The following TYW1B variants were observed in gnomAD, a reference collection of about 807,000 sequenced individuals.
TYW1B encodes the protein S-adenosyl-L-methionine-dependent tRNA 4-demethylwyosine synthase TYW1B.
In TYW1B, 73 loss-of-function variants were observed where a neutral mutation model predicts 86.9. The observed-to-expected ratio is 0.84, with a 90% CI of 0.70 to 1.02. TYW1B has a LOEUF of 1.02. TYW1B is among the 50% of genes least tolerant of loss of function. The probability of loss-of-function intolerance (pLI) is 0.00; values close to 1 mark genes in which losing one functional copy is unlikely to be tolerated. For synonymous variants in TYW1B, 248 were observed against 292.8 expected (o/e 0.85, Z 1.56); for missense variants, 637 against 827.4 (o/e 0.77, Z 2.82).
intron 13 of TYW1B, among the ~76,000 whole-genome samples, chr7:72,580,825 T>C (rs1811135352): frequency 6.7e-6 from 1 of 148,802 alleles, no homozygotes. Flanking sequence ...AACATAAAAA[T>C]AAAGCTACCA....
At chr7:72,815,956 G>T (rs782169345) in intron 2 of TYW1B, among the ~76,000 whole-genome samples, 1 of 152,070 alleles carries the variant, frequency 6.6e-6, no homozygotes, top group Non-Finnish European at 1.5e-5. Context: ...CTGAGCCCAG[G>T]GGTTAGAGGA....
intron 7 of TYW1B, among the ~76,000 whole-genome samples, chr7:72,766,382 G>A (rs1189903878): frequency 6.6e-6 from 1 of 152,072 alleles, no homozygotes; most frequent in East Asian, 1.9e-4. Context: ...GGGAGGCCAA[G>A]GCGGGTGGAT....
At chr7:72,806,109 G>A (rs11974621) in intron 5 of TYW1B, among the ~76,000 whole-genome samples, 14,092 of 152,016 alleles carry the variant, frequency 0.093, 739 homozygotes, top group African/African-American at 0.1. Context: ...ATAATGAGAC[G>A]TGAGCTCAGG....
intron 9 of TYW1B, among the ~76,000 whole-genome samples, chr7:72,721,630 ACACACACG>A (rs1250449531): frequency 1.3e-5 from 2 of 151,996 alleles, no homozygotes; most frequent in Non-Finnish European, 2.9e-5. Context: ...ACATGCACAC[ACACACACG>A]CACACACACA....
chr7:72,583,430 C>T (rs879997139), intron 13 of TYW1B, among the ~76,000 whole-genome samples: 20 of 152,002 alleles, frequency 1.3e-4, no homozygotes, highest in Admixed American at 3.3e-4. Context: ...TTTAGAGATA[C>T]GGAGATAAAT....
intron 11 of TYW1B, among the ~76,000 whole-genome samples, chr7:72,633,997 C>T (rs1189848206): frequency 6.6e-6 from 1 of 152,160 alleles, no homozygotes; most frequent in Non-Finnish European, 1.5e-5. Context: ...GTTGATGTAA[C>T]TGGAGCTCCA....
chr7:72,735,423 T>C (rs1254786626), intron 8 of TYW1B, among the ~76,000 whole-genome samples: 1 of 151,216 alleles, frequency 6.6e-6, no homozygotes, highest in Admixed American at 6.6e-5. Context: ...TATAAAAAAT[T>C]AAGCCAGGCG....
intron 7 of TYW1B, among the ~76,000 whole-genome samples, chr7:72,774,062 C>CAA (rs35480783): frequency 5.5e-5 from 3 of 54,764 alleles, no homozygotes; most frequent in Admixed American, 1.9e-4. Flanking sequence ...AACTCCATCT[C>CAA]AAAAAAAAAA....
At chr7:72,745,851 GGTGTGTGT>G (rs1162824267) in intron 7 of TYW1B, among the ~76,000 whole-genome samples, 795 of 75,134 alleles carry the variant, frequency 0.011, 6 homozygotes, top group African/African-American at 0.02. Context: ...CGTGTATAGG[GGTGTGTGT>G]GTGTGTGTGT....
chr7:72,779,712 CAAAAAA>C (rs58301724), intron 6 of TYW1B, among the ~76,000 whole-genome samples: 12 of 64,280 alleles, frequency 1.9e-4, no homozygotes, highest in Non-Finnish European at 8.8e-5. Flanking sequence ...GACTCTGCCT[CAAAAAA>C]AAAAAAAAAA....
chr7:72,697,306 G>C (rs1266490224), intron 10 of TYW1B, among the ~76,000 whole-genome samples: 1 of 152,042 alleles, frequency 6.6e-6, no homozygotes, highest in Admixed American at 6.6e-5. Flanking sequence ...AGATGTCTGA[G>C]ATGCTACACC....
chr7:72,778,513 G>A (rs1422742268), intron 6 of TYW1B, among the ~76,000 whole-genome samples: 1 of 152,230 alleles, frequency 6.6e-6, no homozygotes, highest in East Asian at 1.9e-4. Flanking sequence ...GCAGTGGCAC[G>A]ATCTTGGCTC....
At chr7:72,601,750 T>TG (rs782187553) in intron 13 of TYW1B, among the ~76,000 whole-genome samples, 10 of 115,994 alleles carry the variant, frequency 8.6e-5, no homozygotes, top group Non-Finnish European at 1.7e-4. Context: ...TATTGCTAAG[T>TG]GAAAAAAAAA....
chr7:72,593,299 AAGAAAAAG>A (rs1330323071), intron 13 of TYW1B, among the ~76,000 whole-genome samples: 5 of 145,426 alleles, frequency 3.4e-5, no homozygotes, highest in African/African-American at 1.2e-4. Flanking sequence ...ATCTCAAAAA[AAGAAAAAG>A]AAAGAAAGAA....
rs1294078064 is a variant in TYW1B, at chr7:72,749,394, C to T, written c.965-4793G>A. Reference sequence around the variant, plus strand: ...CTGCAAGCTCTGCCTCTTGGGTTCACGCCATTCTCCTGCCTCAGCCTCCTG... The same window carrying T: ...CTGCAAGCTCTGCCTCTTGGGTTCATGCCATTCTCCTGCCTCAGCCTCCTG... On this transcript the variant is annotated intron_variant, in intron 7 of 13. Coordinates refer to ENST00000620995, the MANE Select transcript of TYW1B (RefSeq NM_001145440.3). 4.6e-5 allele frequency among the ~76,000 whole-genome samples: 7 copies of T among 152,004 alleles called. No individual in the cohort carries two copies. In the South Asian group the frequency reaches 1.2e-3, roughly 27 times the overall value.
intron 11 of TYW1B, among the ~76,000 whole-genome samples, chr7:72,655,379 C>A (rs1298577059): frequency 6.6e-6 from 1 of 152,160 alleles, no homozygotes; most frequent in Non-Finnish European, 1.5e-5. Flanking sequence ...CTGGGTCCCA[C>A]TCACACCAGG....
At chr7:72,677,250 C>A (rs1265123806) in intron 11 of TYW1B, among the ~76,000 whole-genome samples, 2 of 152,016 alleles carry the variant, frequency 1.3e-5, no homozygotes, top group East Asian at 3.9e-4. Context: ...TTGAGCTCAA[C>A]TGATCCTCCA....
intron 11 of TYW1B, among the ~76,000 whole-genome samples, chr7:72,658,083 G>A (rs575681031): frequency 3.2e-4 from 48 of 151,944 alleles, no homozygotes; most frequent in Non-Finnish European, 5.4e-4. Context: ...GTGAAACCCC[G>A]TCTCTACTAA....
intron 12 of TYW1B, among the ~76,000 whole-genome samples, chr7:72,625,497 C>T (rs553320371): frequency 2.7e-5 from 4 of 147,696 alleles, no homozygotes; most frequent in Non-Finnish European, 4.5e-5. Context: ...TGGTGGTGTG[C>T]GTCTGTCATC....
Sources: allele counts gnomAD v4.1 joint callset (sites outside exome capture counted in the v4.1 genomes callset), GRCh38; gene constraint gnomAD v4.1.1; transcripts MANE v1.5; gene names NCBI Gene and HGNC (gene_info 2026-07-23, HGNC 2026-07-21).